Variants in PRXL2A observed in about 807,000 individuals in gnomAD.
PRXL2A encodes the protein peroxiredoxin-like 2A.
A neutral mutation model predicts 25.6 loss-of-function variants in PRXL2A; 26 were observed. That is an observed-to-expected ratio of 1.02 (90% confidence interval 0.74 to 1.41). The LOEUF (loss-of-function observed/expected upper bound fraction) is 1.41, where lower values mean the gene tolerates loss of function less well. PRXL2A is among the 40% of genes most tolerant of loss of function. The pLI is 0.00. For missense variants in PRXL2A, 246 were observed against 273.9 expected (o/e 0.90, Z 0.72); for synonymous variants, 98 against 102.9 (o/e 0.95, Z 0.29).
Position 80,427,582 on chromosome 10 carries a change from C to T in PRXL2A, c.576+86C>T. On this transcript the variant is annotated intron_variant, in intron 5 of 5. Coordinates refer to ENST00000606162, the MANE Select transcript of PRXL2A (RefSeq NM_032333.5). Reference sequence around the variant, plus strand: ...AACCAGAAGCTGGAGTGGGGGTTGACTTTCCCTGTTTTGGGTCTCCTAGCC... The same window carrying T: ...AACCAGAAGCTGGAGTGGGGGTTGATTTTCCCTGTTTTGGGTCTCCTAGCC... 3 of 1,444,788 alleles carry T rather than the reference C, an allele frequency of 2.1e-6. No individual in the cohort carries two copies. In the South Asian group the frequency reaches 3.8e-5, roughly 18 times the overall value. The allele number at this position is 1,444,788 out of a possible 1,614,324, so 89.5% of individuals were successfully genotyped here. A position where few individuals can be genotyped will look rare whatever the true frequency, so the allele number is the denominator to read the frequency against.
Position 80,425,984 on chromosome 10 carries a change from G to A in PRXL2A, c.389G>A (p.Gly130Glu), listed in dbSNP as rs953351672. 2 of 1,614,088 alleles carry A rather than the reference G, an allele frequency of 1.2e-6. No homozygotes were observed. The highest frequency in any genetic ancestry group is 2.7e-5 in the African/African-American group (2 of 74,934). ...AAGGATTTCCAGCCTTATTTCAAAGGAGAAATCTTCCTGGATGAAAAGGTG... is the reference window on the plus strand; with the variant it reads ...AAGGATTTCCAGCCTTATTTCAAAGAAGAAATCTTCCTGGATGAAAAGGTG... ...EVKDFQPYFKGEIFLDEKKKF... is the reference protein window; with the variant it reads ...EVKDFQPYFKEEIFLDEKKKF... Residue 130 changes from glycine (G) to glutamate (E), a missense_variant, in exon 4 of 6, where the codon GGA (glycine) becomes GAA (glutamate). Coordinates refer to ENST00000606162, the MANE Select transcript of PRXL2A (RefSeq NM_032333.5).
At chr10:80,425,845 G>A (rs1325231375) in intron 3 of PRXL2A, 21 bp from the exon 4 acceptor site, 1 of 1,614,134 alleles carries the variant, frequency 6.2e-7, no homozygotes, top group South Asian at 1.1e-5. Flanking sequence ...AGATGTCCCT[G>A]AACCCTTGTG....
intron 2 of PRXL2A, among the ~76,000 whole-genome samples, chr10:80,420,903 T>C (rs770650881): frequency 1.3e-5 from 2 of 152,232 alleles, no homozygotes; most frequent in Non-Finnish European, 2.9e-5. Context: ...TTAGCTTTTC[T>C]TATCAAAAGC....
intron 5 of PRXL2A, among the ~76,000 whole-genome samples, chr10:80,431,135 T>G (rs1031266495): frequency 1.3e-5 from 2 of 152,126 alleles, no homozygotes; most frequent in African/African-American, 4.8e-5. Flanking sequence ...TGACCTCAAG[T>G]GATCCGCCCA....
intron 1 of PRXL2A, among the ~76,000 whole-genome samples, chr10:80,412,845 G>C (rs1016678604): frequency 6.6e-6 from 1 of 152,170 alleles, no homozygotes; most frequent in African/African-American, 2.4e-5. Flanking sequence ...GTTAGTGAGA[G>C]TCTGAACACA....
chr10:80,408,185 A>C (rs1403626465), upstream of PRXL2A, among the ~76,000 whole-genome samples: 1 of 149,628 alleles, frequency 6.7e-6, no homozygotes, highest in Non-Finnish European at 1.5e-5. Flanking sequence ...AAAAAAAAAA[A>C]CCTATCAAAA....
chr10:80,410,650 C>G (rs576969386), intron 1 of PRXL2A, among the ~76,000 whole-genome samples: 1 of 152,150 alleles, frequency 6.6e-6, no homozygotes, highest in East Asian at 1.9e-4. Flanking sequence ...TTTAAAGTGC[C>G]CTTGTTTTTA....
intron 3 of PRXL2A, among the ~76,000 whole-genome samples, chr10:80,422,899 T>C (rs908889847): frequency 3.9e-5 from 6 of 152,176 alleles, no homozygotes; most frequent in African/African-American, 7.2e-5. Context: ...CTCCCTGTGA[T>C]GAAGCTGCAG....
At chr10:80,430,192 C>T (rs569023285) in intron 5 of PRXL2A, among the ~76,000 whole-genome samples, 206 of 151,580 alleles carry the variant, frequency 1.4e-3, no homozygotes, top group Non-Finnish European at 2.4e-3. Flanking sequence ...CCTCCACCCC[C>T]CCGGGTTCAA....
At chr10:80,418,705 A>G (rs1310205354) in intron 1 of PRXL2A, among the ~76,000 whole-genome samples, 1 of 152,228 alleles carries the variant, frequency 6.6e-6, no homozygotes, top group Non-Finnish European at 1.5e-5. Flanking sequence ...GCACCAGTGT[A>G]TGCCAGAGCT....
chr10:80,412,769 A>G (rs1016681103), intron 1 of PRXL2A, among the ~76,000 whole-genome samples: 2 of 152,196 alleles, frequency 1.3e-5, no homozygotes, highest in Admixed American at 1.3e-4. Context: ...AGGAAACAAC[A>G]TGAGCAACAC....
chr10:80,420,052 A>C lies in PRXL2A; in HGVS notation c.-2-414A>C, dbSNP rs546406922. The C allele has an allele frequency of 6.1e-6, 6 of 986,446 alleles. No individual in the cohort carries two copies. The South Asian group carries it at 2.8e-4, about 46-fold the overall frequency. 61.1% of individuals were successfully genotyped at this position (986,446 alleles called of 1,614,324 possible). On this transcript the variant is annotated intron_variant, in intron 1 of 5. Transcript: ENST00000606162. ...GCCCCTACCCAGGGACATGATCCTGAGCCACCTGGATTGTGAGGGAGAATC... is the reference window on the plus strand; with the variant it reads ...GCCCCTACCCAGGGACATGATCCTGCGCCACCTGGATTGTGAGGGAGAATC...
chr10:80,418,790 G>A (rs1471697861), intron 1 of PRXL2A, among the ~76,000 whole-genome samples: 1 of 152,090 alleles, frequency 6.6e-6, no homozygotes, highest in Admixed American at 6.5e-5. Context: ...TGGAGGTGGG[G>A]GTACTTTGTG....
At chr10:80,414,518 A>C (rs577635405) in intron 1 of PRXL2A, among the ~76,000 whole-genome samples, 2 of 152,334 alleles carry the variant, frequency 1.3e-5, no homozygotes, top group Admixed American at 1.3e-4. Flanking sequence ...TCTCTTTAAG[A>C]CAGAGGGAAT....
intron 4 of PRXL2A, 152 bp downstream of exon 4, chr10:80,426,158 AGC>A: frequency 1.1e-6 from 1 of 871,746 alleles, no homozygotes; most frequent in African/African-American, 1.7e-5. Flanking sequence ...CAGCCCCCTG[AGC>A]AGAGCATGAT....
At chr10:80,408,303 A>C (rs751994370), upstream of PRXL2A, among the ~76,000 whole-genome samples, 3 of 152,098 alleles carry the variant, frequency 2.0e-5, no homozygotes, top group Non-Finnish European at 4.4e-5. Flanking sequence ...CTTTTGCCCT[A>C]GGCAGCGCCC....
Position 80,422,447 on chromosome 10 carries a change from G to A in PRXL2A, c.209G>A (p.Trp70Ter). ...AGGACTTTCAAAGCAAAGGAGCTAT[G>A]GGAAAAAAATGGAGCTGTGATTATG... is the stretch of plus-strand genomic sequence containing the variant. ...EPRTFKAKEL[W>*]EKNGAVIMAV... Residue 70 changes from tryptophan to a stop codon, truncating the protein, a stop_gained, in exon 3 of 6, where the codon TGG becomes TAG. Transcript: ENST00000606162. LOFTEE classifies it high-confidence loss of function. 6.2e-7 allele frequency: 1 copy of A among 1,613,996 alleles called. No homozygotes were observed. The highest frequency in any genetic ancestry group is 8.5e-7 in the Non-Finnish European group (1 of 1,179,946).
chr10:80,415,796 C>T (rs764723242), intron 1 of PRXL2A, among the ~76,000 whole-genome samples: 4 of 152,164 alleles, frequency 2.6e-5, no homozygotes, highest in African/African-American at 4.8e-5. Context: ...ACATGCCAAA[C>T]GCCCATCACT....
chr10:80,428,701 A>G (rs1845134533), intron 5 of PRXL2A, among the ~76,000 whole-genome samples: 1 of 152,134 alleles, frequency 6.6e-6, no homozygotes, highest in Admixed American at 6.5e-5. Flanking sequence ...AGGGTATGGG[A>G]GAAGGACCTG....
Sources: gnomAD v4.1 joint callset for allele counts (sites outside exome capture counted in the v4.1 genomes callset) on GRCh38, gnomAD v4.1.1 for gene constraint, MANE v1.5 for transcripts, NCBI Gene and HGNC (gene_info 2026-07-23, HGNC 2026-07-21) for gene names.